SLC22A4: variants seen among roughly 807,000 people sequenced by gnomAD.
The protein encoded by SLC22A4 is solute carrier family 22 member 4.
SLC22A4 carries 39 observed loss-of-function variants against 56.6 expected under a neutral mutation model. The observed-to-expected ratio is 0.69, with a 90% CI of 0.53 to 0.90. The LOEUF (loss-of-function observed/expected upper bound fraction) is 0.90. SLC22A4 is among the 40% of genes least tolerant of loss of function. The pLI, the probability that SLC22A4 is intolerant of heterozygous loss-of-function variation, is 0.00. For synonymous variants in SLC22A4, 241 were observed against 281.4 expected (o/e 0.86, Z 1.44); for missense variants, 594 against 696.5 (o/e 0.85, Z 1.66).
chr5:132,322,097 G>C lies in SLC22A4; in HGVS notation c.653-87G>C, dbSNP rs569443363. ...CTTTCCCCTTTTCTAAGTGGTGATA[G>C]TTTGAACTCTAACTGCCACATAATG... On this transcript the variant is annotated intron_variant, in intron 3 of 9. Transcript: ENST00000200652. The C allele has an allele frequency of 3.5e-3, 4,279 of 1,231,364 alleles. 24 individuals are homozygous for C. Among genetic ancestry groups the C allele is most frequent in the Non-Finnish European group, 3.9e-3 (3,267 of 839,462 alleles). 76.3% of individuals were successfully genotyped at this position (1,231,364 alleles called of 1,614,324 possible). A position where few individuals can be genotyped will look rare whatever the true frequency, so the allele number is the denominator to read the frequency against.
rs1749732036 is a variant in SLC22A4, at chr5:132,294,673, C to T, written c.57C>T (p.Arg19=). ...TGGGCGAGTGGGGGCCCTTCCAGCG[C>T]CTCATCTTCTTCCTGCTCAGCGCCA... ...AFLGEWGPFQ[R]LIFFLLSASI... is the part of the protein sequence containing the mutation. Residue 19 remains arginine, a synonymous_variant, in exon 1 of 10, where the codon CGC becomes CGT. Coordinates refer to ENST00000200652, the MANE Select transcript of SLC22A4 (RefSeq NM_003059.3). The surrounding 1 kb of genome is among the most constrained non-coding windows in gnomAD (Gnocchi z 5.6). 1 of 1,614,078 alleles carries T rather than the reference C, an allele frequency of 6.2e-7. No individual in the cohort carries two copies. The highest frequency in any genetic ancestry group is 1.7e-5 in the Admixed American group (1 of 60,014).
intron 1 of SLC22A4, among the ~76,000 whole-genome samples, chr5:132,305,505 T>TA (rs1237321300): frequency 2.0e-5 from 3 of 151,816 alleles, no homozygotes; most frequent in Non-Finnish European, 4.4e-5. Flanking sequence ...ACTGCTTAAA[T>TA]AAAAAAAGAG....
At chr5:132,301,902 C>A (rs1025420544) in intron 1 of SLC22A4, among the ~76,000 whole-genome samples, 1 of 152,198 alleles carries the variant, frequency 6.6e-6, no homozygotes, top group African/African-American at 2.4e-5. Flanking sequence ...GAATATTAAC[C>A]AAGTTGATCA....
At chr5:132,306,631 A>G (rs577414675) in intron 1 of SLC22A4, among the ~76,000 whole-genome samples, 3 of 151,288 alleles carry the variant, frequency 2.0e-5, no homozygotes, top group East Asian at 1.9e-4. Context: ...TTTTTAGTAG[A>G]GACAGGGTTT....
At chr5:132,302,325 G>A (rs1580819918) in intron 1 of SLC22A4, among the ~76,000 whole-genome samples, 1 of 152,138 alleles carries the variant, frequency 6.6e-6, no homozygotes, top group African/African-American at 2.4e-5. Context: ...TGACAGGACT[G>A]GTCAGGGGGA....
intron 3 of SLC22A4, 98 bp downstream of exon 3, chr5:132,313,866 C>G (rs1750257918): frequency 7.6e-7 from 1 of 1,308,782 alleles, no homozygotes; most frequent in Admixed American, 1.7e-5. Flanking sequence ...CTTCCAAAGC[C>G]TTTGGATATA....
At chr5:132,336,765 G>C (rs1751036588) in intron 8 of SLC22A4, among the ~76,000 whole-genome samples, 1 of 152,024 alleles carries the variant, frequency 6.6e-6, no homozygotes, top group Non-Finnish European at 1.5e-5. Flanking sequence ...CTGGAGCAAA[G>C]AGTGCCGTTA....
rs374867894 is a variant in SLC22A4 at position 132,334,550 on chromosome 5, A to T, written c.1047-168A>T. On this transcript the variant is annotated intron_variant, in intron 6 of 9. Transcript: ENST00000200652. ...CACTTGAAGTGTGGCTAGTGTAACT[A>T]AGGAACTGAATTTGTAATCTTATTT... 6.0e-4 allele frequency among the ~76,000 whole-genome samples: 92 copies of T among 152,306 alleles called. 1 individual carries two copies. In the East Asian group the frequency reaches 0.017, roughly 27 times the overall value.
Position 132,304,843 on chromosome 5 carries a change from A to G in SLC22A4, c.394-7318A>G, listed in dbSNP as rs6860806. Among the ~76,000 whole-genome samples the G allele has an allele frequency of 0.46, 69,880 of 152,134 alleles. 16,771 individuals are homozygous for G. The highest frequency in any genetic ancestry group is 0.54 in the Non-Finnish European group (36,578 of 67,982). ...ACAGACTTTAAGGCATAAGGCAGCC[A>G]TTATAAATATGTTCAAAGAATGAAA... is the stretch of plus-strand genomic sequence containing the variant. On this transcript the variant is annotated intron_variant, in intron 1 of 9. Transcript: ENST00000200652.
intron 1 of SLC22A4, among the ~76,000 whole-genome samples, chr5:132,298,291 C>T (rs935503897): frequency 2.6e-5 from 4 of 152,144 alleles, no homozygotes; most frequent in East Asian, 1.9e-4. Flanking sequence ...GTACAATGGA[C>T]GATTATTCAG....
chr5:132,339,778 A>G (rs1023463083), intron 8 of SLC22A4, among the ~76,000 whole-genome samples: 1 of 152,230 alleles, frequency 6.6e-6, no homozygotes. Flanking sequence ...AGTGACACAG[A>G]GGCCTCAGAG....
intron 1 of SLC22A4, among the ~76,000 whole-genome samples, chr5:132,308,427 A>G (rs1042536506): frequency 8.5e-6 from 1 of 117,732 alleles, no homozygotes; most frequent in South Asian, 2.7e-4. Flanking sequence ...CACTAGGAGA[A>G]CTTGGGCTGG....
At chr5:132,342,586 C>A (rs953544925) in intron 9 of SLC22A4, among the ~76,000 whole-genome samples, 6 of 152,220 alleles carry the variant, frequency 3.9e-5, no homozygotes, top group Admixed American at 6.5e-5. Context: ...TTGCCACTCA[C>A]AAATGTCAGG....
chr5:132,295,067 C>T (rs779066810), intron 1 of SLC22A4, 58 bp downstream of exon 1: 9 of 1,550,704 alleles, frequency 5.8e-6, no homozygotes, highest in Non-Finnish European at 7.9e-6. Flanking sequence ...TCTGCGTCAG[C>T]CCCCCTTGAG....
chr5:132,329,481 T>A (rs1394095960), intron 5 of SLC22A4, among the ~76,000 whole-genome samples: 1 of 151,788 alleles, frequency 6.6e-6, no homozygotes, highest in Non-Finnish European at 1.5e-5. Flanking sequence ...TGCTTTTTTT[T>A]TTTTTCAAAA....
At position 132,336,006 on chromosome 5, in the gene SLC22A4, C is replaced by T. The variant is rs762383198; in HGVS notation, c.1444+6C>T. ...CCCCTACTTTGTTTACCTCGGTGAG[C>T]TGCATCTTGTGCATTTGTTCTTCCT... On this transcript the variant is annotated splice_donor_region_variant and intron_variant, in intron 8 of 9. Coordinates refer to ENST00000200652, the MANE Select transcript of SLC22A4 (RefSeq NM_003059.3). 87 of 1,612,814 alleles carry T rather than the reference C, an allele frequency of 5.4e-5. No individual in the cohort carries two copies. The highest frequency in any genetic ancestry group is 1.7e-6 in the Non-Finnish European group (2 of 1,178,930).
chr5:132,313,498 A>G, intron 2 of SLC22A4, 116 bp from the exon 3 acceptor site: 1 of 925,716 alleles, frequency 1.1e-6, no homozygotes, highest in South Asian at 1.3e-5. Flanking sequence ...GACAGAGAAA[A>G]AAGTCTGCCA....
At chr5:132,304,942 C>T (rs1749990320) in intron 1 of SLC22A4, among the ~76,000 whole-genome samples, 1 of 152,104 alleles carries the variant, frequency 6.6e-6, no homozygotes, top group Non-Finnish European at 1.5e-5. Flanking sequence ...AGAAAAATTA[C>T]ATTTATATTT....
chr5:132,303,413 A>G (rs1427331896), intron 1 of SLC22A4, among the ~76,000 whole-genome samples: 6 of 152,026 alleles, frequency 3.9e-5, no homozygotes, highest in Non-Finnish European at 8.8e-5. Flanking sequence ...TTGAGTCATA[A>G]CTCCTTCAGC....
Sources: allele counts gnomAD v4.1 joint callset (sites outside exome capture counted in the v4.1 genomes callset), GRCh38; gene constraint gnomAD v4.1.1; non-coding constraint Gnocchi (gnomAD v3.1); transcripts MANE v1.5; gene names NCBI Gene and HGNC (gene_info 2026-07-23, HGNC 2026-07-21).